The following TFCP2L1 variants were observed in gnomAD, a reference collection of about 807,000 sequenced individuals.
TFCP2L1 encodes the protein transcription factor CP2-like protein 1.
Under a neutral mutation model 72.2 loss-of-function variants are expected in TFCP2L1, and 12 were observed. The observed-to-expected ratio is 0.17, with a 90% confidence interval of 0.11 to 0.27. TFCP2L1 has a LOEUF of 0.27. TFCP2L1 is among the 10% of genes least tolerant of loss of function. The pLI is 1.00. For synonymous variants in TFCP2L1, 260 were observed against 251.0 expected, an observed-to-expected ratio of 1.04 and a Z score of -0.34; for missense variants, 488 against 624.6, an observed-to-expected ratio of 0.78 and a Z score of 2.33.
At chr2:121,269,154 AAAACT>A (rs1216486216) in intron 2 of TFCP2L1, among the ~76,000 whole-genome samples, 9 of 152,128 alleles carry the variant, frequency 5.9e-5, no homozygotes, top group African/African-American at 1.7e-4. Context: ...ATTTATCTTA[AAAACT>A]TTTATGGCTG....
At chr2:121,276,196 C>A (rs945150474) in intron 2 of TFCP2L1, among the ~76,000 whole-genome samples, 3 of 152,078 alleles carry the variant, frequency 2.0e-5, no homozygotes, top group Non-Finnish European at 4.4e-5. Context: ...AGGTATTTAT[C>A]CTAATGCTAT....
rs1351087879 is a variant in TFCP2L1, at chr2:121,278,053, G to A, written c.214+3067C>T. Reference sequence around the variant, plus strand: ...TCTTTTTTTTTTTTTTTTTTGAGACGGAGTCTCGCTCTGTCGCCCAGGTCG... The same window carrying A: ...TCTTTTTTTTTTTTTTTTTTGAGACAGAGTCTCGCTCTGTCGCCCAGGTCG... On this transcript the variant is annotated intron_variant, in intron 2 of 14. Transcript: ENST00000263707. Among the ~76,000 whole-genome samples the A allele has an allele frequency of 4.5e-4, 64 of 142,844 alleles. 1 individual carries two copies. Among genetic ancestry groups the A allele is most frequent in the Admixed American group, 4.2e-3 (59 of 14,200 alleles). 93.7% of individuals were successfully genotyped at this position (142,844 alleles called of 152,430 possible). A position where few individuals can be genotyped will look rare whatever the true frequency, so the allele number is the denominator to read the frequency against.
chr2:121,235,687 T>G (rs1250687490), intron 10 of TFCP2L1, among the ~76,000 whole-genome samples: 1 of 151,264 alleles, frequency 6.6e-6, no homozygotes, highest in East Asian at 2.0e-4. Context: ...CTCAAAGTAC[T>G]GGGATTACAG....
At chr2:121,268,789 G>C (rs1369765953) in intron 2 of TFCP2L1, among the ~76,000 whole-genome samples, 1 of 149,730 alleles carries the variant, frequency 6.7e-6, no homozygotes, top group African/African-American at 2.5e-5. Context: ...GAGGGAATGA[G>C]GGAAAGGTGT....
chr2:121,246,755 G>A, intron 6 of TFCP2L1, 63 bp downstream of exon 6: 1 of 1,601,508 alleles, frequency 6.2e-7, no homozygotes, highest in Non-Finnish European at 8.5e-7. Context: ...GGTCTCTGTG[G>A]GCGAATGTGA....
chr2:121,249,193 C>T (rs1686552711), intron 3 of TFCP2L1, 106 bp from the exon 4 acceptor site: 20 of 827,526 alleles, frequency 2.4e-5, no homozygotes, highest in Non-Finnish European at 3.3e-5. Context: ...AGGCCCCTCC[C>T]CCTGGGGCTT....
intron 12 of TFCP2L1, 140 bp downstream of exon 12, chr2:121,233,951 G>T: frequency 1.3e-6 from 1 of 743,350 alleles, no homozygotes; most frequent in Non-Finnish European, 2.3e-6. Flanking sequence ...GCACTAGGCT[G>T]CCCTTTCCAC....
chr2:121,258,697 G>A (rs1320253697), intron 2 of TFCP2L1, among the ~76,000 whole-genome samples: 7 of 152,138 alleles, frequency 4.6e-5, no homozygotes, highest in African/African-American at 1.2e-4. Flanking sequence ...AAAAATGAGG[G>A]GAGACTGAAG....
intron 6 of TFCP2L1, 105 bp from the exon 7 acceptor site, chr2:121,242,574 G>C: frequency 1.9e-6 from 2 of 1,029,682 alleles, no homozygotes; most frequent in Non-Finnish European, 3.0e-6. Flanking sequence ...GGCGCAGGGA[G>C]GAACTCAGGG....
rs771635543 is a variant in TFCP2L1, at chr2:121,222,984, G to A, written c.*1357C>T. 7.9e-5 allele frequency: 12 copies of A among 152,136 alleles called. No homozygotes were observed. Among genetic ancestry groups the A allele is most frequent in the Non-Finnish European group, 1.6e-4 (11 of 68,026 alleles). 9.4% of individuals were successfully genotyped at this position (152,136 alleles called of 1,614,324 possible). On this transcript the variant is annotated 3_prime_UTR_variant, in exon 15 of 15. Transcript: ENST00000263707. ...TTATATCGCTACCCTATCACTATGT[G>A]CTACCATGCAGGTGACTTTGCCCCT...
intron 1 of TFCP2L1, among the ~76,000 whole-genome samples, chr2:121,282,008 C>T (rs1175145691): frequency 1.3e-5 from 2 of 152,012 alleles, no homozygotes; most frequent in Non-Finnish European, 2.9e-5. Context: ...TCTCGGCTCA[C>T]TACAACCTCC....
Position 121,249,571 on chromosome 2 carries a change from C to G in TFCP2L1, c.291G>C (p.Lys97Asn). 1 of 1,614,124 alleles carries G rather than the reference C, an allele frequency of 6.2e-7. No homozygotes were observed. The highest frequency in any genetic ancestry group is 8.5e-7 in the Non-Finnish European group (1 of 1,180,022). Residue 97 changes from lysine (K) to asparagine (N), a missense_variant and splice_region_variant, in exon 3 of 15, where the codon AAG becomes AAC. Transcript: ENST00000263707. ...DFQDLNTKYVKSIIRVVFHDR... is the reference protein window; with the variant it reads ...DFQDLNTKYVNSIIRVVFHDR... ...AATGAGAACAGCCTGTGAGGCTTAC[C>G]TTGACATATTTTGTGTTCAGATCTT...
chr2:121,250,382 A>T (rs1017005459), intron 2 of TFCP2L1, among the ~76,000 whole-genome samples: 1 of 150,306 alleles, frequency 6.7e-6, no homozygotes, highest in Non-Finnish European at 1.5e-5. Flanking sequence ...ACACATACAT[A>T]TATGTATGTG....
chr2:121,250,460 A>AATAT (rs371402612), intron 2 of TFCP2L1, among the ~76,000 whole-genome samples: 5,848 of 150,988 alleles, frequency 0.039, 199 homozygotes, highest in East Asian at 0.13. Context: ...TATCTCAAAA[A>AATAT]ATATATATAT....
intron 12 of TFCP2L1, among the ~76,000 whole-genome samples, 191 bp from the exon 13 acceptor site, chr2:121,232,159 G>A (rs1686159051): frequency 7.3e-6 from 1 of 136,238 alleles, no homozygotes; most frequent in Non-Finnish European, 1.6e-5. Context: ...TTTGTTTTGT[G>A]ATGGAGTCTC....
chr2:121,251,758 T>C (rs774584776), intron 2 of TFCP2L1, among the ~76,000 whole-genome samples: 2 of 152,210 alleles, frequency 1.3e-5, no homozygotes, highest in Non-Finnish European at 2.9e-5. Context: ...AATGGATACG[T>C]ATATCAAAAC....
At chr2:121,270,966 G>A (rs778666976) in intron 2 of TFCP2L1, among the ~76,000 whole-genome samples, 1 of 151,148 alleles carries the variant, frequency 6.6e-6, no homozygotes, top group African/African-American at 2.4e-5. Context: ...AAGGCAGGTA[G>A]ATTACTTGAA....
Position 121,232,016 on chromosome 2 carries a change from AGT to A in TFCP2L1, c.1199-50_1199-49del, listed in dbSNP as rs1307330840. 9.1e-6 allele frequency: 14 copies of A among 1,535,164 alleles called. 1 individual carries two copies. The East Asian group carries it at 3.3e-4, about 36-fold the overall frequency. ...CTGCTTTCCAAGTGGCCATTCTGTC[AGT>A]GTGAGCCTCCCACCCGCCCTGAGAA... On this transcript the variant is annotated intron_variant, in intron 12 of 14. Transcript: ENST00000263707.
chr2:121,221,914 A>G lies in TFCP2L1; in HGVS notation c.*2427T>C, dbSNP rs1685935809. 6.6e-6 allele frequency: 1 copy of G among 152,002 alleles called. No individual in the cohort carries two copies. The highest frequency in any genetic ancestry group is 1.5e-5 in the Non-Finnish European group (1 of 68,026). The allele number at this position is 152,002 out of a possible 1,614,324, so 9.4% of individuals were successfully genotyped here. A position where few individuals can be genotyped will look rare whatever the true frequency, so the allele number is the denominator to read the frequency against. On this transcript the variant is annotated 3_prime_UTR_variant, in exon 15 of 15. Transcript: ENST00000263707. ...GCTCACCCAACTCAATAATAAAAAG[A>G]AGGCTCATCCCTGGTAGTCTAGTGG... is the stretch of plus-strand genomic sequence containing the variant.
Sources: gnomAD v4.1 joint callset for allele counts (sites outside exome capture counted in the v4.1 genomes callset) on GRCh38, gnomAD v4.1.1 for gene constraint, MANE v1.5 for transcripts, NCBI Gene and HGNC (gene_info 2026-07-23, HGNC 2026-07-21) for gene names.